Variants in POLK observed in about 807,000 individuals in gnomAD.
POLK encodes polymerase (DNA directed) kappa.
POLK carries 76 observed loss-of-function variants against 94.0 expected under a neutral mutation model. The observed-to-expected ratio is 0.81, with a 90% CI of 0.67 to 0.98. POLK has a LOEUF of 0.98. Ranked by LOEUF, POLK falls within the 50% of genes least tolerant of loss-of-function variation. The pLI is 0.00. For missense variants in POLK, 954 were observed against 1,010.1 expected (o/e 0.94, Z 0.75); for synonymous variants, 349 against 325.4 (o/e 1.07, Z -0.78).
At chr5:75,609,150 A>G in the POLK span, 1 of 152,142 alleles carries the variant, frequency 6.6e-6, no homozygotes, top group Non-Finnish European at 1.5e-5. Context: ...TTCTCCTGTC[A>G]TTGATAAGAG....
At chr5:75,537,995 T>C (rs1281732135) in intron 1 of POLK, among the ~76,000 whole-genome samples, 1 of 152,096 alleles carries the variant, frequency 6.6e-6, no homozygotes, top group African/African-American at 2.4e-5. Context: ...TAGCTGGGAC[T>C]ACAGGCACCT....
At chr5:75,513,378 C>G (rs967942760) in intron 1 of POLK, among the ~76,000 whole-genome samples, 1 of 152,098 alleles carries the variant, frequency 6.6e-6, no homozygotes, top group African/African-American at 2.4e-5. Flanking sequence ...CCATTTAAGT[C>G]TCCAAAGACA....
At chr5:75,569,067 G>A (rs971466238) in intron 3 of POLK, among the ~76,000 whole-genome samples, 4 of 152,052 alleles carry the variant, frequency 2.6e-5, no homozygotes, top group African/African-American at 9.7e-5. Flanking sequence ...GAAAATAAAA[G>A]CAATTACCAA....
Position 75,570,812 on chromosome 5 carries a change from A to T in POLK, c.408+1320A>T, listed in dbSNP as rs532369789. 3.9e-5 allele frequency among the ~76,000 whole-genome samples: 6 copies of T among 152,310 alleles called. No individual in the cohort carries two copies. The South Asian group carries it at 6.2e-4, about 16-fold the overall frequency. ...CTTCCCATGCCTTAGATAGCTACAA[A>T]ACTAATTCTTACTGAGTGATTATTT... On this transcript the variant is annotated intron_variant, in intron 4 of 14. Coordinates refer to ENST00000241436, the Ensembl canonical transcript of POLK.
Position 75,583,366 on chromosome 5 carries a change from TC to T in POLK, c.1011del (p.Asn338IlefsTer5). ...AACCAAATGGACAATACCAAATTCT[TC>T]CCAATAGACAAGCTGTGATGGACTT... is the stretch of plus-strand genomic sequence containing the variant. On this transcript the variant is annotated frameshift_variant, in exon 8 of 15. Coordinates refer to ENST00000241436, the Ensembl canonical transcript of POLK. LOFTEE classifies it high-confidence loss of function. 6.2e-7 allele frequency: 1 copy of T among 1,605,646 alleles called. No individual in the cohort carries two copies. The highest frequency in any genetic ancestry group is 8.5e-7 in the Non-Finnish European group (1 of 1,172,974).
At chr5:75,518,347 C>G (rs888338764) in intron 1 of POLK, among the ~76,000 whole-genome samples, 13 of 152,084 alleles carry the variant, frequency 8.5e-5, no homozygotes, top group Non-Finnish European at 1.6e-4. Context: ...TCAGTTTATT[C>G]ATGTTTCAAT....
rs1040152490 is a variant in POLK, at chr5:75,575,831, A to G, written c.541-949A>G. On this transcript the variant is annotated intron_variant, in intron 5 of 14. Transcript: ENST00000241436. ...CTAAAAACCTTTGTTTTTATAAAAGAAGAAACAGTTTTCTCATGATACAGT... is the reference window on the plus strand; with the variant it reads ...CTAAAAACCTTTGTTTTTATAAAAGGAGAAACAGTTTTCTCATGATACAGT... Among the ~76,000 whole-genome samples, 4 of 152,282 alleles carry G rather than the reference A, an allele frequency of 2.6e-5. No homozygotes were observed. The South Asian group carries it at 6.2e-4, about 24-fold the overall frequency.
the POLK span, among the ~76,000 whole-genome samples, chr5:75,607,969 G>A: frequency 2.6e-5 from 4 of 152,224 alleles, no homozygotes; most frequent in South Asian, 2.1e-4. Flanking sequence ...CTAGGAAGAT[G>A]TTTTTAAAAA....
At chr5:75,551,561 A>C (rs1210873953) in intron 2 of POLK, among the ~76,000 whole-genome samples, 1 of 152,232 alleles carries the variant, frequency 6.6e-6, no homozygotes, top group Non-Finnish European at 1.5e-5. Flanking sequence ...AGATGTGAAT[A>C]GACATTTCAG....
chr5:75,519,253 T>G (rs1013864605), intron 1 of POLK, among the ~76,000 whole-genome samples: 1 of 152,226 alleles, frequency 6.6e-6, no homozygotes, highest in Non-Finnish European at 1.5e-5. Flanking sequence ...ACAAAAGATA[T>G]GTGATATGAT....
At chr5:75,580,430 A>G (rs533245057) in intron 6 of POLK, 1 of 153,266 alleles carries the variant, frequency 6.5e-6, no homozygotes, top group South Asian at 2.1e-4. Context: ...TTTACAGTCC[A>G]TTTATGAAAA....
intron 10 of POLK, 139 bp from the exon 11 acceptor site, chr5:75,590,205 A>G: frequency 2.2e-6 from 1 of 450,226 alleles, no homozygotes; most frequent in Non-Finnish European, 3.9e-6. Flanking sequence ...ACTTAATTAA[A>G]TTTTAGTTCA....
intron 7 of POLK, chr5:75,581,668 A>T: frequency 2.2e-6 from 1 of 454,106 alleles, no homozygotes; most frequent in East Asian, 4.0e-5. Flanking sequence ...AAAAGATTAT[A>T]CGTTTCTTTC....
chr5:75,573,346 C>T (rs1283184051), intron 4 of POLK, among the ~76,000 whole-genome samples: 2 of 151,912 alleles, frequency 1.3e-5, no homozygotes, highest in Non-Finnish European at 2.9e-5. Context: ...GGGAATATCA[C>T]ACTCTGGGGA....
rs1055831130 is a variant in POLK at position 75,593,858 on chromosome 5, A to T, written c.1357-20A>T. The T allele has an allele frequency of 7.1e-7, 1 of 1,405,588 alleles. No homozygotes were observed. Among genetic ancestry groups the T allele is most frequent in the African/African-American group, 1.4e-5 (1 of 69,500 alleles). 87.1% of individuals were successfully genotyped at this position (1,405,588 alleles called of 1,614,324 possible). On this transcript the variant is annotated intron_variant, in intron 11 of 14. Transcript: ENST00000241436. ...ACCCTGTCTCATAAATAAATAAATA[A>T]CATATTGTATATGTTATAGGGTAGA...
At chr5:75,591,623 T>A (rs148497302) in intron 11 of POLK, among the ~76,000 whole-genome samples, 62 of 152,334 alleles carry the variant, frequency 4.1e-4, no homozygotes, top group Non-Finnish European at 7.4e-5. Flanking sequence ...TTTCCATTAA[T>A]GTCGTCTCTG....
intron 3 of POLK, among the ~76,000 whole-genome samples, chr5:75,559,296 A>G (rs1038751468): frequency 7.9e-5 from 12 of 152,164 alleles, no homozygotes; most frequent in African/African-American, 2.9e-4. Context: ...ATGAACCTCT[A>G]GGGTGTTCAG....
At chr5:75,561,829 T>C (rs575739828) in intron 3 of POLK, among the ~76,000 whole-genome samples, 1 of 152,276 alleles carries the variant, frequency 6.6e-6, no homozygotes, top group South Asian at 2.1e-4. Context: ...ATATGTGGTG[T>C]TATTTCTGAG....
intron 2 of POLK, among the ~76,000 whole-genome samples, chr5:75,548,096 AT>A (rs1179639881): frequency 6.6e-6 from 1 of 151,930 alleles, no homozygotes; most frequent in African/African-American, 2.4e-5. Context: ...CTAACTTTTT[AT>A]TTTTTGTAGA....
Sources: gnomAD v4.1 joint callset for allele counts (sites outside exome capture counted in the v4.1 genomes callset) on GRCh38, gnomAD v4.1.1 for gene constraint, MANE v1.5 for transcripts, NCBI Gene and HGNC (gene_info 2026-07-23, HGNC 2026-07-21) for gene names.